Variants in PNPLA1 observed in about 807,000 individuals in gnomAD.
PNPLA1 encodes patatin like domain 1, omega-hydroxyceramide transacylase.
Under a neutral mutation model 51.7 loss-of-function variants are expected in PNPLA1, and 36 were observed. The observed-to-expected ratio is 0.70, with a 90% CI of 0.53 to 0.92. The LOEUF is 0.92. Among genes scored for constraint, PNPLA1 ranks in the 40% least tolerant of loss-of-function variants. The probability of loss-of-function intolerance (pLI) is 0.00; values close to 1 mark genes in which losing one functional copy is unlikely to be tolerated. For missense variants in PNPLA1, 658 were observed against 682.5 expected (o/e 0.96, Z 0.40); for synonymous variants, 293 against 280.1 (o/e 1.05, Z -0.46).
At chr6:36,257,392 A>G (rs1336235377) in intron 1 of PNPLA1, among the ~76,000 whole-genome samples, 1 of 152,230 alleles carries the variant, frequency 6.6e-6, no homozygotes, top group Non-Finnish European at 1.5e-5. Flanking sequence ...AGACATGATT[A>G]AAGACCCACA....
Position 36,270,323 on chromosome 6 carries a change from A to G in PNPLA1, c.-137A>G. ...CAGCCTGTGGTTGCTCCAGCCGGGT[A>G]GAGACAGCCACATTCCAAGCTCCGG... On this transcript the variant is annotated 5_prime_UTR_variant, in exon 1 of 9. Coordinates refer to ENST00000636260, the MANE Select transcript of PNPLA1 (RefSeq NM_001374623.1). 1.2e-6 allele frequency: 1 copy of G among 859,110 alleles called. No individual in the cohort carries two copies. Among genetic ancestry groups the G allele is most frequent in the Non-Finnish European group, 1.8e-6 (1 of 541,026 alleles). 53.2% of individuals were successfully genotyped at this position (859,110 alleles called of 1,614,324 possible).
At chr6:36,253,486 AT>A (rs1214192084) in intron 1 of PNPLA1, among the ~76,000 whole-genome samples, 3 of 151,746 alleles carry the variant, frequency 2.0e-5, no homozygotes, top group African/African-American at 4.8e-5. Context: ...ATTCTTGATA[AT>A]TTTTTTTTAA....
At chr6:36,295,236 T>A in intron 4 of PNPLA1, 128 bp from the exon 5 acceptor site, 1 of 886,208 alleles carries the variant, frequency 1.1e-6, no homozygotes, top group Non-Finnish European at 1.8e-6. Context: ...GGACACTGGA[T>A]GGGTACGTTT....
At chr6:36,304,064 AGTGCAGGAAT>A (rs1384098653) in intron 6 of PNPLA1, among the ~76,000 whole-genome samples, 1 of 152,116 alleles carries the variant, frequency 6.6e-6, no homozygotes, top group African/African-American at 2.4e-5. Flanking sequence ...GCTCAGGTGC[AGTGCAGGAAT>A]GTGCAGGGTA....
chr6:36,265,116 G>A (rs1254231091), upstream of PNPLA1, among the ~76,000 whole-genome samples: 1 of 152,168 alleles, frequency 6.6e-6, no homozygotes, highest in Non-Finnish European at 1.5e-5. Flanking sequence ...TGAGGGGGGC[G>A]GGTCACCTGA....
At position 36,275,196 on chromosome 6, in the gene PNPLA1, A is replaced by C. The variant is rs571150305; in HGVS notation, c.205+4532A>C. Among the ~76,000 whole-genome samples, 217 of 152,210 alleles carry C rather than the reference A, an allele frequency of 1.4e-3. 1 individual carries two copies. The highest frequency in any genetic ancestry group is 2.5e-3 in the Admixed American group (38 of 15,294). The stretch of plus-strand genomic sequence containing the variant: ...TAGGCTCAAGTGATCCTCCTGCATC[A>C]GCCTCCTGAGTAGCTGGGACCACAG... On this transcript the variant is annotated intron_variant, in intron 1 of 8. Coordinates refer to ENST00000636260, the MANE Select transcript of PNPLA1 (RefSeq NM_001374623.1).
chr6:36,250,674 C>T (rs1769401321), intron 1 of PNPLA1, among the ~76,000 whole-genome samples: 1 of 152,140 alleles, frequency 6.6e-6, no homozygotes, highest in African/African-American at 2.4e-5. Context: ...CTCAGGGAGA[C>T]AGGCAAGTTG....
chr6:36,301,588 C>T (rs2127351566), intron 5 of PNPLA1, among the ~76,000 whole-genome samples: 1 of 152,350 alleles, frequency 6.6e-6, no homozygotes, highest in South Asian at 2.1e-4. Context: ...CTCAGATGAC[C>T]TGCCCTCTCT....
At chr6:36,284,640 C>A (rs1384938103) in intron 1 of PNPLA1, among the ~76,000 whole-genome samples, 2 of 151,976 alleles carry the variant, frequency 1.3e-5, no homozygotes, top group Admixed American at 1.3e-4. Context: ...TTTTCCTGGG[C>A]AAGATTTCTT....
intron 5 of PNPLA1, among the ~76,000 whole-genome samples, chr6:36,298,839 A>G (rs1770936723): frequency 6.6e-6 from 1 of 152,152 alleles, no homozygotes; most frequent in Admixed American, 6.5e-5. Context: ...CCTGGGTTCA[A>G]GCGATTCTCC....
chr6:36,271,809 G>A (rs1056712114), intron 1 of PNPLA1, among the ~76,000 whole-genome samples: 1 of 152,230 alleles, frequency 6.6e-6, no homozygotes, highest in African/African-American at 2.4e-5. Flanking sequence ...TAAGGGAGGG[G>A]GAGCACAGAC....
chr6:36,256,192 T>C (rs1183526905), intron 1 of PNPLA1, among the ~76,000 whole-genome samples: 1 of 152,138 alleles, frequency 6.6e-6, no homozygotes, highest in Non-Finnish European at 1.5e-5. Context: ...TAGATGTTAC[T>C]TTAAAAAGAT....
rs61365486 is a variant in PNPLA1, at chr6:36,282,249, GGAAA to G, written c.206-9048_206-9045del. Among the ~76,000 whole-genome samples, 207 of 112,002 alleles carry G rather than the reference GGAAA, an allele frequency of 1.8e-3. 3 individuals are homozygous for G. Among genetic ancestry groups the G allele is most frequent in the African/African-American group, 4.6e-3 (134 of 28,900 alleles). The allele number at this position is 112,002 out of a possible 152,430, so 73.5% of individuals were successfully genotyped here. On this transcript the variant is annotated intron_variant, in intron 1 of 8. Transcript: ENST00000636260. The stretch of plus-strand genomic sequence containing the variant: ...AGGAAGGAAGGAAAGAAAGAAAGAA[GGAAA>G]GAAAGAAAGAAAGAAAGAAAGATCA...
In PNPLA1 at chr6:36,280,088, C is replaced by T. The variant is rs192362241; in HGVS notation, c.205+9424C>T. The stretch of plus-strand genomic sequence containing the variant: ...GGGCGTGGTGGTGCGTGCCTGTAGT[C>T]GTAGCTACTCGGGAGGCTGAAGCAG... On this transcript the variant is annotated intron_variant, in intron 1 of 8. Coordinates refer to ENST00000636260, the MANE Select transcript of PNPLA1 (RefSeq NM_001374623.1). 1.3e-3 allele frequency among the ~76,000 whole-genome samples: 192 copies of T among 152,268 alleles called. 4 individuals are homozygous for T. In the South Asian group the frequency reaches 0.032, roughly 25 times the overall value.
In PNPLA1 at chr6:36,264,491, C is replaced by T. The variant is rs534015099; in HGVS notation, c.-81+21230C>T. 2.0e-5 allele frequency among the ~76,000 whole-genome samples: 3 copies of T among 152,260 alleles called. No homozygotes were observed. In the South Asian group the frequency reaches 6.2e-4, roughly 32 times the overall value. Reference sequence around the variant, plus strand: ...ACGATAGTATATATTGTTTATGAAACATATTAATATACTGAAAGTATAAAA... The same window carrying T: ...ACGATAGTATATATTGTTTATGAAATATATTAATATACTGAAAGTATAAAA... On this transcript the variant is annotated intron_variant, in intron 1 of 7. Transcript: ENST00000312917.
At chr6:36,272,353 A>G (rs1046296120) in intron 1 of PNPLA1, among the ~76,000 whole-genome samples, 4 of 152,170 alleles carry the variant, frequency 2.6e-5, no homozygotes, top group African/African-American at 9.7e-5. Context: ...CTGATCTGAC[A>G]GGACGCGGAG....
At chr6:36,293,460 G>A (rs1770754322) in intron 3 of PNPLA1, among the ~76,000 whole-genome samples, 1 of 152,106 alleles carries the variant, frequency 6.6e-6, no homozygotes, top group Non-Finnish European at 1.5e-5. Flanking sequence ...TGATGAGGAT[G>A]TTTTCTGAGG....
At chr6:36,282,253 A>G (rs149196966) in intron 1 of PNPLA1, among the ~76,000 whole-genome samples, 4,271 of 130,080 alleles carry the variant, frequency 0.033, 88 homozygotes, top group Middle Eastern at 0.12. Flanking sequence ...AAAGAAGGAA[A>G]GAAAGAAAGA....
chr6:36,282,712 G>A (rs539468964), intron 1 of PNPLA1, among the ~76,000 whole-genome samples: 2 of 152,266 alleles, frequency 1.3e-5, no homozygotes, highest in East Asian at 1.9e-4. Context: ...TTGAGACAGA[G>A]TCTTGCTCTG....
Sources: allele counts gnomAD v4.1 joint callset (sites outside exome capture counted in the v4.1 genomes callset), GRCh38; gene constraint gnomAD v4.1.1; transcripts MANE v1.5; gene names NCBI Gene and HGNC (gene_info 2026-07-23, HGNC 2026-07-21).